The following MEIS2 variants were observed in gnomAD, a reference collection of about 807,000 sequenced individuals.
MEIS2 encodes homeobox protein Meis2.
In MEIS2, 9 loss-of-function variants were observed where a neutral mutation model predicts 58.6. The ratio of observed to expected loss-of-function variants is 0.15; its 90% CI spans 0.09 to 0.27. The LOEUF is 0.27. MEIS2 is among the 10% of genes least tolerant of loss of function. The pLI, the probability that MEIS2 is intolerant of heterozygous loss-of-function variation, is 1.00. For missense variants in MEIS2, 427 were observed against 635.0 expected, an observed-to-expected ratio of 0.67 and a Z score of 3.52; for synonymous variants, 221 against 228.4, an observed-to-expected ratio of 0.97 and a Z score of 0.29.
chr15:37,093,435 G>T, intron 6 of MEIS2, 146 bp downstream of exon 6: 2 of 1,053,342 alleles, frequency 1.9e-6, no homozygotes, highest in Non-Finnish European at 2.6e-6. Context: ...GTATGGCAGA[G>T]AAAGCAAGAA....
chr15:36,979,196 A>G (rs1438105234), intron 8 of MEIS2, among the ~76,000 whole-genome samples: 2 of 152,170 alleles, frequency 1.3e-5, no homozygotes, highest in Non-Finnish European at 2.9e-5. Context: ...ACATAAAATT[A>G]TTTAAAACAT....
intron 8 of MEIS2, among the ~76,000 whole-genome samples, chr15:36,988,863 C>T (rs2141542434): frequency 6.6e-6 from 1 of 152,212 alleles, no homozygotes; most frequent in East Asian, 1.9e-4. Context: ...ATAACCAAAA[C>T]TTACTTATTA....
chr15:36,919,843 T>C (rs996655207), intron 9 of MEIS2, among the ~76,000 whole-genome samples: 3 of 152,232 alleles, frequency 2.0e-5, no homozygotes, highest in Non-Finnish European at 4.4e-5. Flanking sequence ...TCTTGCTAGA[T>C]TTTGTCTTTC....
chr15:37,042,346 C>T (rs904713615), intron 7 of MEIS2, among the ~76,000 whole-genome samples: 1 of 152,118 alleles, frequency 6.6e-6, no homozygotes, highest in Non-Finnish European at 1.5e-5. Flanking sequence ...CTTGTCTTAT[C>T]AGAAAAACAT....
Position 37,099,199 on chromosome 15 carries a change from C to G in MEIS2, c.12+256G>C, listed in dbSNP as rs1894787355. On this transcript the variant is annotated intron_variant, in intron 1 of 11. Transcript: ENST00000561208. ...CACACACACACACCACTCACACGCACTCGCCGCCCGCCCGCTCGCACAGCG... is the reference window on the plus strand; with the variant it reads ...CACACACACACACCACTCACACGCAGTCGCCGCCCGCCCGCTCGCACAGCG... 2.8e-6 allele frequency: 4 copies of G among 1,412,472 alleles called. No individual in the cohort carries two copies. In the South Asian group the frequency reaches 6.2e-5, roughly 22 times the overall value. The allele number at this position is 1,412,472 out of a possible 1,614,324, so 87.5% of individuals were successfully genotyped here.
At chr15:36,982,861 A>G (rs2059972893) in intron 8 of MEIS2, among the ~76,000 whole-genome samples, 2 of 152,126 alleles carry the variant, frequency 1.3e-5, no homozygotes, top group Admixed American at 1.3e-4. Context: ...GTGAGGTAGT[A>G]TCTCATTGTG....
intron 9 of MEIS2, among the ~76,000 whole-genome samples, chr15:36,925,244 G>A (rs1035477418): frequency 2.0e-5 from 3 of 152,226 alleles, no homozygotes; most frequent in African/African-American, 4.8e-5. Context: ...GCCTTGCTAG[G>A]TGCACTTGAC....
intron 7 of MEIS2, among the ~76,000 whole-genome samples, chr15:37,078,605 C>CAAAAAAAAAAAAAAAAAAA (rs540405090): frequency 4.3e-5 from 3 of 69,412 alleles, no homozygotes; most frequent in African/African-American, 1.2e-4. Flanking sequence ...AAAAAACAAC[C>CAAAAAAAAAAAAAAAAAAA]AAAAAAAAAA....
At chr15:37,031,813 CTTTGTG>C in intron 8 of MEIS2, among the ~76,000 whole-genome samples, 1 of 106,616 alleles carries the variant, frequency 9.4e-6, no homozygotes, top group East Asian at 3.3e-4. Flanking sequence ...TATTACATCA[CTTTGTG>C]TGTGTGTGTG....
At chr15:37,050,003 TTATATTACAAAGATATGCATTATAGAA>T in intron 7 of MEIS2, among the ~76,000 whole-genome samples, 1 of 152,316 alleles carries the variant, frequency 6.6e-6, no homozygotes, top group South Asian at 2.1e-4. Context: ...ATTATGCTGC[TTATATTACAAAGATATGCATTATAGAA>T]TATATTACAA....
chr15:36,925,312 C>A (rs1259733650), intron 9 of MEIS2, among the ~76,000 whole-genome samples: 1 of 152,154 alleles, frequency 6.6e-6, no homozygotes, highest in Admixed American at 6.5e-5. Flanking sequence ...TGGGCAACGT[C>A]CTTACGAAGA....
chr15:37,037,067 G>A (rs549584794), intron 7 of MEIS2, 108 bp from the exon 8 acceptor site: 12 of 1,062,932 alleles, frequency 1.1e-5, no homozygotes, highest in Non-Finnish European at 1.5e-5. Context: ...TCCATTAAGC[G>A]AGTATATTCT....
intron 7 of MEIS2, among the ~76,000 whole-genome samples, chr15:37,058,520 G>A (rs939925052): frequency 1.3e-5 from 2 of 152,118 alleles, no homozygotes; most frequent in African/African-American, 4.8e-5. Flanking sequence ...AGGTCAAAAG[G>A]TCATCTCTCA....
intron 7 of MEIS2, among the ~76,000 whole-genome samples, chr15:37,057,499 C>T (rs983691950): frequency 2.6e-5 from 4 of 152,136 alleles, no homozygotes; most frequent in Non-Finnish European, 4.4e-5. Flanking sequence ...GAACCCAAAC[C>T]AAGGTAAAGA....
At chr15:37,080,887 T>A (rs559762419) in intron 7 of MEIS2, among the ~76,000 whole-genome samples, 1 of 152,316 alleles carries the variant, frequency 6.6e-6, no homozygotes, top group South Asian at 2.1e-4. Context: ...TAAGATATTT[T>A]AAAAATGTGA....
At chr15:37,024,793 G>T (rs945088743) in intron 8 of MEIS2, among the ~76,000 whole-genome samples, 1 of 152,186 alleles carries the variant, frequency 6.6e-6, no homozygotes, top group Non-Finnish European at 1.5e-5. Context: ...TTCTCCACCA[G>T]CTTGACCAGG....
At chr15:36,904,813 G>A (rs551331587) in intron 9 of MEIS2, among the ~76,000 whole-genome samples, 6 of 151,896 alleles carry the variant, frequency 4.0e-5, no homozygotes, top group Non-Finnish European at 7.4e-5. Context: ...GACTTTCCCC[G>A]AGTAACTTAC....
chr15:37,066,326 T>C (rs1023548341), intron 7 of MEIS2: 21 of 152,220 alleles, frequency 1.4e-4, no homozygotes, highest in Admixed American at 1.3e-3. Flanking sequence ...ATGAGGGTTT[T>C]AATGACTTTC....
intron 8 of MEIS2, among the ~76,000 whole-genome samples, chr15:36,962,534 AT>A (rs139787545): frequency 0.038 from 5,598 of 148,100 alleles, 188 homozygotes; most frequent in African/African-American, 0.086. Context: ...TTTTATTTGC[AT>A]TTTTTTTTTA....
Sources: allele counts gnomAD v4.1 joint callset (sites outside exome capture counted in the v4.1 genomes callset), GRCh38; gene constraint gnomAD v4.1.1; transcripts MANE v1.5; gene names NCBI Gene and HGNC (gene_info 2026-07-23, HGNC 2026-07-21).